The following SNX27 variants were observed in gnomAD, a reference collection of about 807,000 sequenced individuals.
The protein encoded by SNX27 is sorting nexin-27.
SNX27 carries 22 observed loss-of-function variants against 71.6 expected under a neutral mutation model. The observed-to-expected ratio is 0.31, with a 90% CI of 0.22 to 0.44. SNX27 has a LOEUF of 0.44. SNX27 is among the 20% of genes least tolerant of loss of function. SNX27 has a pLI of 1.00. For missense variants in SNX27, 531 were observed against 698.6 expected (o/e 0.76, Z 2.70); for synonymous variants, 269 against 277.2 (o/e 0.97, Z 0.29).
chr1:151,632,538 A>G (rs980233241), intron 1 of SNX27, among the ~76,000 whole-genome samples: 1 of 152,246 alleles, frequency 6.6e-6, no homozygotes, highest in African/African-American at 2.4e-5. Context: ...AAGCCAAAGC[A>G]GAAGTAGGGG....
intron 1 of SNX27, among the ~76,000 whole-genome samples, chr1:151,633,458 A>G (rs570874391): frequency 6.6e-6 from 1 of 151,948 alleles, no homozygotes; most frequent in East Asian, 2.0e-4. Context: ...CAGGATGCCC[A>G]GCTAATTTTT....
chr1:151,676,503 GC>G (rs1558068956), intron 7 of SNX27: 1 of 151,168 alleles, frequency 6.6e-6, no homozygotes, highest in Non-Finnish European at 1.5e-5. Flanking sequence ...ACAGGGTTTT[GC>G]CATATCGGCC....
intron 8 of SNX27, among the ~76,000 whole-genome samples, chr1:151,685,678 T>G (rs1472036653): frequency 6.6e-6 from 1 of 151,962 alleles, no homozygotes; most frequent in East Asian, 1.9e-4. Context: ...TGAGACTCCG[T>G]CTCAACAACA....
At chr1:151,623,780 T>G in intron 1 of SNX27, among the ~76,000 whole-genome samples, 1 of 152,070 alleles carries the variant, frequency 6.6e-6, no homozygotes, top group Non-Finnish European at 1.5e-5. Context: ...AGGCTAGAAC[T>G]ATAGGGTTGC....
chr1:151,641,777 C>A (rs1354759243), intron 2 of SNX27, among the ~76,000 whole-genome samples: 2 of 25,804 alleles, frequency 7.8e-5, no homozygotes, highest in Admixed American at 3.3e-4. Flanking sequence ...CTATATATAT[C>A]TGATATATAT....
At chr1:151,633,016 C>T (rs1401001666) in intron 1 of SNX27, among the ~76,000 whole-genome samples, 9 of 151,580 alleles carry the variant, frequency 5.9e-5, no homozygotes, top group African/African-American at 1.2e-4. Flanking sequence ...GGACTACAGG[C>T]GCCCGCCACT....
intron 7 of SNX27, among the ~76,000 whole-genome samples, chr1:151,670,914 A>G (rs1054726659): frequency 3.3e-5 from 5 of 152,110 alleles, no homozygotes; most frequent in Non-Finnish European, 5.9e-5. Context: ...TTTCATAGCT[A>G]GAGGATTTAG....
chr1:151,651,507 G>T (rs1471142091), intron 2 of SNX27, among the ~76,000 whole-genome samples: 11 of 148,682 alleles, frequency 7.4e-5, no homozygotes, highest in Non-Finnish European at 1.7e-4. Context: ...CGGGCAGAGG[G>T]TCTCCTCACT....
At chr1:151,642,193 G>A (rs1050891878) in intron 2 of SNX27, among the ~76,000 whole-genome samples, 1 of 151,454 alleles carries the variant, frequency 6.6e-6, no homozygotes, top group Non-Finnish European at 1.5e-5. Context: ...TCGAGACCAG[G>A]CTGGCCAATA....
chr1:151,674,645 A>T (rs896525335), intron 7 of SNX27, among the ~76,000 whole-genome samples: 1 of 151,074 alleles, frequency 6.6e-6, no homozygotes, highest in African/African-American at 2.4e-5. Context: ...GAGGGCAGTC[A>T]TCTGGTTCCA....
In SNX27 at chr1:151,692,559, C is replaced by T. The variant is rs777481516; in HGVS notation, c.1364C>T (p.Ala455Val). 1 of 1,613,464 alleles carries T rather than the reference C, an allele frequency of 6.2e-7. No individual in the cohort carries two copies. Among genetic ancestry groups the T allele is most frequent in the Admixed American group, 1.7e-5 (1 of 59,928 alleles). Residue 455 changes from alanine (A) to valine (V), a missense_variant, in exon 9 of 12, where the codon GCC becomes GTC. This residue lies in a region of SNX27 where 157 missense variants were observed against 178.4 expected (regional missense o/e 0.88). Transcript: ENST00000458013. ...AGCATCACGCACTTTAAACTGCATG[C>T]CTGCACTGAAGAAGGACAGCTGGAG... ...AISITHFKLH[A>V]CTEEGQLENQ...
chr1:151,631,233 C>T (rs149770664), intron 1 of SNX27, among the ~76,000 whole-genome samples: 178 of 152,192 alleles, frequency 1.2e-3, no homozygotes, highest in South Asian at 2.5e-3. Flanking sequence ...AAGCAGTGAA[C>T]CAGTGAAAAG....
At chr1:151,674,938 G>C (rs1177642678) in intron 7 of SNX27, among the ~76,000 whole-genome samples, 2 of 150,488 alleles carry the variant, frequency 1.3e-5, no homozygotes, top group Non-Finnish European at 3.0e-5. Context: ...TGCCCACCTC[G>C]GCCTCCCAAA....
chr1:151,618,877 A>G (rs1667548149), intron 1 of SNX27, among the ~76,000 whole-genome samples: 1 of 152,176 alleles, frequency 6.6e-6, no homozygotes, highest in African/African-American at 2.4e-5. Flanking sequence ...TGGGCAATCC[A>G]GTAAGAGCCC....
chr1:151,652,937 T>C (rs1192096122), intron 2 of SNX27, among the ~76,000 whole-genome samples: 11 of 151,066 alleles, frequency 7.3e-5, no homozygotes, highest in African/African-American at 2.7e-4. Flanking sequence ...CTTTTTTTTT[T>C]TTTTTTTGAG....
chr1:151,658,859 AT>A (rs5777779), intron 3 of SNX27, among the ~76,000 whole-genome samples: 151,458 of 152,138 alleles, frequency 1, 75,394 homozygotes, highest in Middle Eastern at 1. Flanking sequence ...TAATTTTTGT[AT>A]TTTTTAGTAG....
chr1:151,688,576 GA>G (rs1345507027), intron 8 of SNX27, among the ~76,000 whole-genome samples: 1 of 149,006 alleles, frequency 6.7e-6, no homozygotes, highest in African/African-American at 2.5e-5. Flanking sequence ...AGGTTGCAGT[GA>G]GCTGAGATCA....
At chr1:151,682,504 G>A (rs757961002) in intron 7 of SNX27, among the ~76,000 whole-genome samples, 2 of 152,036 alleles carry the variant, frequency 1.3e-5, no homozygotes, top group Admixed American at 6.6e-5. Context: ...TGTATTTTTA[G>A]TAGAGACGGG....
intron 7 of SNX27, among the ~76,000 whole-genome samples, chr1:151,682,106 A>G (rs1670995249): frequency 6.6e-6 from 1 of 152,240 alleles, no homozygotes; most frequent in African/African-American, 2.4e-5. Context: ...AATTGTTTAC[A>G]CATGTATAAA....
Sources: allele counts gnomAD v4.1 joint callset (sites outside exome capture counted in the v4.1 genomes callset), GRCh38; gene constraint gnomAD v4.1.1; regional missense constraint gnomAD v4.1.1; transcripts MANE v1.5; gene names NCBI Gene and HGNC (gene_info 2026-07-23, HGNC 2026-07-21).